The following L3MBTL4 variants were observed in gnomAD, a reference collection of about 807,000 sequenced individuals.
L3MBTL4 encodes the protein lethal(3)malignant brain tumor-like protein 4.
L3MBTL4 carries 70 observed loss-of-function variants against 84.5 expected under a neutral mutation model. The ratio of observed to expected loss-of-function variants is 0.83; its 90% confidence interval spans 0.68 to 1.01. The LOEUF (loss-of-function observed/expected upper bound fraction) is 1.01. Among genes scored for constraint, L3MBTL4 ranks in the 50% least tolerant of loss-of-function variants. The pLI is 0.00. For missense variants in L3MBTL4, 715 were observed against 754.8 expected, an observed-to-expected ratio of 0.95 and a Z score of 0.62; for synonymous variants, 274 against 259.8, an observed-to-expected ratio of 1.05 and a Z score of -0.52.
intron 1 of L3MBTL4, among the ~76,000 whole-genome samples, chr18:6,327,554 C>G (rs1381457751): frequency 3.3e-5 from 5 of 152,140 alleles, no homozygotes; most frequent in Admixed American, 3.3e-4. Context: ...CTTATAGATA[C>G]ACACACACAT....
chr18:6,236,539 T>C (rs1205879644), intron 10 of L3MBTL4, among the ~76,000 whole-genome samples: 1 of 152,170 alleles, frequency 6.6e-6, no homozygotes, highest in Non-Finnish European at 1.5e-5. Context: ...AGAAGATATT[T>C]CACCAGATGA....
At chr18:6,214,020 G>A (rs2046223918) in intron 11 of L3MBTL4, among the ~76,000 whole-genome samples, 1 of 152,174 alleles carries the variant, frequency 6.6e-6, no homozygotes, top group Admixed American at 6.5e-5. Flanking sequence ...TAAAAACTCA[G>A]AAAGGAGAAA....
At chr18:6,031,692 C>T in intron 16 of L3MBTL4, 5 of 985,160 alleles carry the variant, frequency 5.1e-6, no homozygotes, top group Non-Finnish European at 6.0e-6. Flanking sequence ...TCAGCCCCAG[C>T]ACGGCTTCAT....
intron 10 of L3MBTL4, among the ~76,000 whole-genome samples, chr18:6,224,905 C>T (rs1285111156): frequency 6.8e-6 from 1 of 147,480 alleles, no homozygotes; most frequent in East Asian, 2.0e-4. Flanking sequence ...TAAATAGATA[C>T]AAAAACAAAT....
At chr18:6,075,378 A>C (rs1198953378) in intron 16 of L3MBTL4, among the ~76,000 whole-genome samples, 1 of 152,124 alleles carries the variant, frequency 6.6e-6, no homozygotes, top group Admixed American at 6.6e-5. Flanking sequence ...ACCCACACAT[A>C]AATGGTTACT....
intron 16 of L3MBTL4, among the ~76,000 whole-genome samples, chr18:6,061,929 T>C (rs1042564663): frequency 4.6e-5 from 7 of 151,986 alleles, no homozygotes; most frequent in African/African-American, 1.7e-4. Context: ...CTTATGTTAT[T>C]GCCGGCATTC....
At chr18:6,169,756 C>T (rs1314516585) in intron 13 of L3MBTL4, among the ~76,000 whole-genome samples, 2 of 151,652 alleles carry the variant, frequency 1.3e-5, no homozygotes, top group African/African-American at 4.8e-5. Flanking sequence ...TGCAGCACAC[C>T]AACATGGCAC....
At chr18:6,311,492 C>A (rs1232451786) in intron 3 of L3MBTL4, 62 bp downstream of exon 3, 5 of 1,376,040 alleles carry the variant, frequency 3.6e-6, no homozygotes, top group Admixed American at 1.7e-5. Context: ...CTCTACTATT[C>A]CATGGTGCAT....
chr18:6,266,221 C>G (rs1811097627), intron 4 of L3MBTL4, among the ~76,000 whole-genome samples: 1 of 152,146 alleles, frequency 6.6e-6, no homozygotes, highest in South Asian at 2.1e-4. Context: ...GTCCACACAA[C>G]CAAACACATT....
At chr18:6,183,360 T>G (rs1484322618) in intron 12 of L3MBTL4, among the ~76,000 whole-genome samples, 14 of 152,198 alleles carry the variant, frequency 9.2e-5, no homozygotes, top group Non-Finnish European at 2.1e-4. Context: ...CTTAAACAAT[T>G]TGAAGCACTG....
intron 18 of L3MBTL4, among the ~76,000 whole-genome samples, chr18:5,958,816 G>A (rs2095247460): frequency 6.6e-6 from 1 of 152,156 alleles, no homozygotes; most frequent in Admixed American, 6.5e-5. Flanking sequence ...GATAAGAGGG[G>A]TTCAGCAATC....
intron 16 of L3MBTL4, among the ~76,000 whole-genome samples, chr18:6,063,647 T>C (rs971737216): frequency 3.4e-5 from 5 of 149,154 alleles, no homozygotes; most frequent in African/African-American, 7.5e-5. Context: ...GCAGTTTGTA[T>C]GTCTTCTTTT....
chr18:6,012,100 C>T (rs2054767429), intron 16 of L3MBTL4, among the ~76,000 whole-genome samples: 1 of 152,168 alleles, frequency 6.6e-6, no homozygotes, highest in Non-Finnish European at 1.5e-5. Context: ...GGAGGAGAGA[C>T]ATTTCAGGAG....
At chr18:6,215,891 G>T (rs189217113) in intron 10 of L3MBTL4, 56 bp from the exon 11 acceptor site, 1 of 968,994 alleles carries the variant, frequency 1.0e-6, no homozygotes, top group Non-Finnish European at 1.5e-6. Flanking sequence ...TCTGATTCCC[G>T]TATACTACAA....
chr18:6,272,507 C>T (rs486949), intron 4 of L3MBTL4, among the ~76,000 whole-genome samples: 1,016 of 36,938 alleles, frequency 0.028, 19 homozygotes, highest in African/African-American at 0.079. Context: ...TTCAGGAGCA[C>T]GGGGAAAGGG....
At chr18:6,316,803 C>A (rs1474576246) in intron 1 of L3MBTL4, among the ~76,000 whole-genome samples, 1 of 152,136 alleles carries the variant, frequency 6.6e-6, no homozygotes, top group Non-Finnish European at 1.5e-5. Flanking sequence ...GGCTCCCACC[C>A]TTCCCCCTGA....
At chr18:6,034,562 G>C (rs1484980382) in intron 16 of L3MBTL4, among the ~76,000 whole-genome samples, 2 of 152,074 alleles carry the variant, frequency 1.3e-5, no homozygotes, top group Non-Finnish European at 2.9e-5. Flanking sequence ...GGACATTTGG[G>C]TTGGTTCCAA....
intron 13 of L3MBTL4, among the ~76,000 whole-genome samples, chr18:6,169,168 G>C (rs2043836560): frequency 6.6e-6 from 1 of 152,164 alleles, no homozygotes; most frequent in Admixed American, 6.5e-5. Context: ...TCATTAAAAA[G>C]TCAGGAAAAA....
intron 3 of L3MBTL4, among the ~76,000 whole-genome samples, chr18:6,308,795 G>A (rs1329812094): frequency 2.0e-5 from 3 of 152,060 alleles, no homozygotes; most frequent in Non-Finnish European, 2.9e-5. Context: ...TGTACACAGT[G>A]GTCACACGGT....
Sources: gnomAD v4.1 joint callset for allele counts (sites outside exome capture counted in the v4.1 genomes callset) on GRCh38, gnomAD v4.1.1 for gene constraint, MANE v1.5 for transcripts, NCBI Gene and HGNC (gene_info 2026-07-23, HGNC 2026-07-21) for gene names.